The following GALNT13 variants were observed in gnomAD, a reference collection of about 807,000 sequenced individuals.
GALNT13 encodes the protein polypeptide N-acetylgalactosaminyltransferase 13, also known as UDP-GalNAc:polypeptide N-acetylgalactosaminyltransferase 13.
In GALNT13, 28 loss-of-function variants were observed where a neutral mutation model predicts 64.2. The ratio of observed to expected loss-of-function variants is 0.44; its 90% CI spans 0.32 to 0.60. The LOEUF (loss-of-function observed/expected upper bound fraction) is 0.60. Among genes scored for constraint, GALNT13 ranks in the 20% least tolerant of loss-of-function variants. GALNT13 has a pLI of 0.05. For synonymous variants in GALNT13, 214 were observed against 224.6 expected, an observed-to-expected ratio of 0.95 and a Z score of 0.42; for missense variants, 577 against 669.8, an observed-to-expected ratio of 0.86 and a Z score of 1.53.
At chr2:153,649,610 A>G in the GALNT13 span, among the ~76,000 whole-genome samples, 2 of 151,946 alleles carry the variant, frequency 1.3e-5, no homozygotes, top group Admixed American at 6.6e-5. Context: ...TTAGTGCTAT[A>G]AATTTCCCTC....
chr2:153,423,718 C>T, the GALNT13 span, among the ~76,000 whole-genome samples: 1 of 151,636 alleles, frequency 6.6e-6, no homozygotes, highest in African/African-American at 2.4e-5. Flanking sequence ...AGTAACTTCA[C>T]AGAGGCAAGA....
the GALNT13 span, among the ~76,000 whole-genome samples, chr2:153,077,540 A>G: frequency 6.6e-6 from 1 of 152,130 alleles, no homozygotes; most frequent in African/African-American, 2.4e-5. Context: ...CTTGTTGGAA[A>G]GCCTTTAATC....
the GALNT13 span, among the ~76,000 whole-genome samples, chr2:153,301,163 T>C: frequency 6.6e-6 from 1 of 151,822 alleles, no homozygotes; most frequent in Non-Finnish European, 1.5e-5. Context: ...GCCACTGTAC[T>C]CCAGCCTGAG....
At chr2:153,173,077 A>ATATATCTATATC in the GALNT13 span, 112 of 150,894 alleles carry the variant, frequency 7.4e-4, no homozygotes, top group East Asian at 8.3e-3. Context: ...ATCTTGTAAT[A>ATATATCTATATC]TATATCTATA....
chr2:153,107,901 T>C, the GALNT13 span, among the ~76,000 whole-genome samples: 1 of 152,128 alleles, frequency 6.6e-6, no homozygotes, highest in African/African-American at 2.4e-5. Context: ...GAGGTAATTG[T>C]TTATAAGTTA....
At chr2:154,122,861 A>G (rs1396850073) in intron 3 of GALNT13, among the ~76,000 whole-genome samples, 2 of 151,746 alleles carry the variant, frequency 1.3e-5, no homozygotes, top group African/African-American at 2.4e-5. Flanking sequence ...ATAAATACTA[A>G]AAGTGTACAT....
intron 4 of GALNT13, among the ~76,000 whole-genome samples, chr2:154,155,474 ATTT>A (rs1342005482): frequency 6.6e-6 from 1 of 151,984 alleles, no homozygotes; most frequent in Non-Finnish European, 1.5e-5. Flanking sequence ...ACTTCTCACT[ATTT>A]TTTGCCCCAG....
At chr2:154,280,331 T>A (rs1356471906) in intron 8 of GALNT13, among the ~76,000 whole-genome samples, 2 of 152,164 alleles carry the variant, frequency 1.3e-5, no homozygotes, top group Admixed American at 6.6e-5. Flanking sequence ...TCTTTTTCTA[T>A]GCCCCAGAGC....
the GALNT13 span, among the ~76,000 whole-genome samples, chr2:153,229,667 T>C: frequency 6.6e-6 from 1 of 152,338 alleles, no homozygotes; most frequent in South Asian, 2.1e-4. Flanking sequence ...GATGACTTGA[T>C]AGTGGTCTGA....
chr2:153,647,185 T>G, the GALNT13 span, among the ~76,000 whole-genome samples: 1,067 of 152,224 alleles, frequency 7.0e-3, 14 homozygotes, highest in African/African-American at 0.024. Flanking sequence ...ATCTCATTGT[T>G]GTTTTGATTT....
chr2:153,757,512 T>G, the GALNT13 span, among the ~76,000 whole-genome samples: 1,662 of 152,282 alleles, frequency 0.011, 36 homozygotes, highest in African/African-American at 0.037. Flanking sequence ...TTCAAATCCT[T>G]TAGATATACT....
chr2:153,552,894 A>G, the GALNT13 span, among the ~76,000 whole-genome samples: 2 of 152,070 alleles, frequency 1.3e-5, no homozygotes, highest in Non-Finnish European at 2.9e-5. Flanking sequence ...TCCCCCTCCT[A>G]TGAGAACCTA....
chr2:153,844,252 C>A, the GALNT13 span, among the ~76,000 whole-genome samples: 2 of 152,190 alleles, frequency 1.3e-5, no homozygotes, highest in African/African-American at 4.8e-5. Flanking sequence ...TAGGCAGAGG[C>A]CGTTCCTTCA....
At chr2:154,010,126 C>T (rs1287956041) in intron 3 of GALNT13, among the ~76,000 whole-genome samples, 2 of 152,112 alleles carry the variant, frequency 1.3e-5, no homozygotes, top group Non-Finnish European at 2.9e-5. Context: ...GCTTTACCTC[C>T]TCTTTTCTTG....
chr2:154,187,606 T>C (rs1686327558), intron 4 of GALNT13, among the ~76,000 whole-genome samples: 1 of 152,104 alleles, frequency 6.6e-6, no homozygotes, highest in Non-Finnish European at 1.5e-5. Context: ...GTTTTATTAC[T>C]TATCCTTATT....
the GALNT13 span, among the ~76,000 whole-genome samples, chr2:153,493,801 G>T: frequency 6.6e-6 from 1 of 151,752 alleles, no homozygotes; most frequent in Admixed American, 6.6e-5. Context: ...ACCAAGTAGG[G>T]TTTATCCCAG....
chr2:154,079,697 A>G (rs1396153970), intron 3 of GALNT13, among the ~76,000 whole-genome samples: 1 of 151,584 alleles, frequency 6.6e-6, no homozygotes, highest in East Asian at 1.9e-4. Flanking sequence ...GAGTGTGATT[A>G]CGAAGTTGCT....
At chr2:153,102,707 C>T in the GALNT13 span, among the ~76,000 whole-genome samples, 5 of 152,182 alleles carry the variant, frequency 3.3e-5, no homozygotes, top group Non-Finnish European at 5.9e-5. Context: ...TATTACTTAT[C>T]TTCTTCAAGT....
the GALNT13 span, among the ~76,000 whole-genome samples, chr2:153,808,947 G>A: frequency 6.6e-6 from 1 of 152,162 alleles, no homozygotes; most frequent in African/African-American, 2.4e-5. Flanking sequence ...CTGAACATGG[G>A]TAGAGAAAAA....
Sources: allele counts gnomAD v4.1 joint callset (sites outside exome capture counted in the v4.1 genomes callset), GRCh38; gene constraint gnomAD v4.1.1; transcripts MANE v1.5; gene names NCBI Gene and HGNC (gene_info 2026-07-23, HGNC 2026-07-21).